Variants in CAP2 observed in about 807,000 individuals in gnomAD.
CAP2 encodes cyclase associated actin cytoskeleton regulatory protein 2, also known as adenylyl cyclase-associated protein 2.
A neutral mutation model predicts 57.7 loss-of-function variants in CAP2; 24 were observed. That is an observed-to-expected ratio of 0.42 (90% CI 0.30 to 0.58). The LOEUF (loss-of-function observed/expected upper bound fraction) is 0.58, where lower values mean the gene tolerates loss of function less well. Ranked by LOEUF, CAP2 falls within the 20% of genes least tolerant of loss-of-function variation. The pLI is 0.22. For synonymous variants in CAP2, 194 were observed against 207.2 expected (o/e 0.94, Z 0.55); for missense variants, 501 against 590.3 (o/e 0.85, Z 1.57).
intron 1 of CAP2, among the ~76,000 whole-genome samples, chr6:17,418,347 G>A (rs535581787): frequency 6.2e-4 from 94 of 152,250 alleles, no homozygotes; most frequent in Admixed American, 2.6e-3. Context: ...TATTTTGACC[G>A]CCTTAGGGGC....
chr6:17,449,449 C>T (rs144100108), intron 3 of CAP2, among the ~76,000 whole-genome samples: 3,681 of 152,042 alleles, frequency 0.024, 163 homozygotes, highest in African/African-American at 0.084. Flanking sequence ...TCTTGTTGCC[C>T]AGGCTGGAGT....
chr6:17,477,105 A>G (rs1379459382), intron 4 of CAP2, among the ~76,000 whole-genome samples: 5 of 151,940 alleles, frequency 3.3e-5, no homozygotes, highest in African/African-American at 9.7e-5. Context: ...TCCTGACCTC[A>G]GGTGATCTGC....
At chr6:17,427,481 T>C (rs1277680727) in intron 3 of CAP2, among the ~76,000 whole-genome samples, 1 of 152,116 alleles carries the variant, frequency 6.6e-6, no homozygotes, top group Non-Finnish European at 1.5e-5. Context: ...TCCATTGGGA[T>C]GGCTACTATC....
intron 4 of CAP2, among the ~76,000 whole-genome samples, chr6:17,467,585 G>T (rs934900612): frequency 6.6e-6 from 1 of 152,018 alleles, no homozygotes; most frequent in Non-Finnish European, 1.5e-5. Context: ...GTGCAGTGGC[G>T]CTACCTTGGC....
rs542777647 is a variant in CAP2, at chr6:17,476,405, A to G, written c.300+13332A>G. Among the ~76,000 whole-genome samples the G allele has an allele frequency of 3.9e-5, 6 of 152,350 alleles. No homozygotes were observed. In the East Asian group the frequency reaches 9.6e-4, roughly 24 times the overall value. On this transcript the variant is annotated intron_variant, in intron 4 of 12. Transcript: ENST00000229922. ...ATGTCTTTTCATAGAAAAGCACTGG[A>G]CCACCCATATTTTTAAAATGTTTTT...
chr6:17,550,102 C>T (rs1160918401), intron 11 of CAP2, among the ~76,000 whole-genome samples: 2 of 152,058 alleles, frequency 1.3e-5, no homozygotes. Flanking sequence ...GGTGCAGTGG[C>T]TCACACCTGT....
chr6:17,514,821 C>T (rs1369072377), intron 7 of CAP2, among the ~76,000 whole-genome samples: 3 of 152,182 alleles, frequency 2.0e-5, no homozygotes, highest in African/African-American at 7.2e-5. Flanking sequence ...AAACACTCTA[C>T]AGCCATTAAA....
At chr6:17,458,775 C>A (rs1198874622) in intron 3 of CAP2, among the ~76,000 whole-genome samples, 3 of 150,652 alleles carry the variant, frequency 2.0e-5, no homozygotes, top group African/African-American at 7.3e-5. Flanking sequence ...TGCCCATAAA[C>A]AGATGTGGAG....
rs1400320568 is a variant in CAP2 at position 17,467,555 on chromosome 6, G to A, written c.300+4482G>A. Among the ~76,000 whole-genome samples, 3 of 152,064 alleles carry A rather than the reference G, an allele frequency of 2.0e-5. No homozygotes were observed. The East Asian group carries it at 5.8e-4, about 29-fold the overall frequency. On this transcript the variant is annotated intron_variant, in intron 4 of 12. Coordinates refer to ENST00000229922, the MANE Select transcript of CAP2 (RefSeq NM_006366.3). ...GTTTGTTTTTTTGGGACGGAATCTT[G>A]CTCTGTCACCCAGGCTGGAGTGCAG... is the stretch of plus-strand genomic sequence containing the variant.
chr6:17,533,444 T>C (rs950730062), intron 7 of CAP2, among the ~76,000 whole-genome samples: 2 of 152,146 alleles, frequency 1.3e-5, no homozygotes, highest in Non-Finnish European at 2.9e-5. Flanking sequence ...GAATATCTGC[T>C]CTCAAAATTA....
intron 3 of CAP2, among the ~76,000 whole-genome samples, chr6:17,458,946 A>T (rs557005770): frequency 1.1e-4 from 16 of 152,098 alleles, no homozygotes; most frequent in African/African-American, 3.9e-4. Flanking sequence ...AGCAAACAAA[A>T]AACCCATAAC....
intron 1 of CAP2, among the ~76,000 whole-genome samples, chr6:17,417,732 G>C (rs924662686): frequency 1.3e-5 from 2 of 152,132 alleles, no homozygotes; most frequent in African/African-American, 2.4e-5. Flanking sequence ...GAGAAGATCT[G>C]GGGGGACAAG....
At chr6:17,507,334 C>T (rs1351662757) in intron 5 of CAP2, 22 bp downstream of exon 5, 1 of 1,611,838 alleles carries the variant, frequency 6.2e-7, no homozygotes, top group African/African-American at 1.3e-5. Context: ...TGCAATGTTG[C>T]CTCTTCACCT....
chr6:17,539,581 A>T (rs1234505637), intron 8 of CAP2, 123 bp downstream of exon 8: 2 of 729,426 alleles, frequency 2.7e-6, no homozygotes, highest in East Asian at 5.4e-5. Context: ...ATGCAGGGAG[A>T]GGGGGAACTG....
chr6:17,526,956 C>CAAAAAAAAAAA (rs1221212193), intron 7 of CAP2, among the ~76,000 whole-genome samples: 3 of 80,086 alleles, frequency 3.7e-5, no homozygotes, highest in African/African-American at 5.1e-5. Flanking sequence ...GACTCTGTCT[C>CAAAAAAAAAAA]AAAAAAAAAA....
chr6:17,428,277 A>C (rs1159634482), intron 3 of CAP2, among the ~76,000 whole-genome samples: 1 of 152,222 alleles, frequency 6.6e-6, no homozygotes, highest in Non-Finnish European at 1.5e-5. Context: ...ATTTTAAAAA[A>C]TATTAGCATC....
chr6:17,508,234 A>G (rs1001407567), intron 6 of CAP2, among the ~76,000 whole-genome samples: 1 of 152,240 alleles, frequency 6.6e-6, no homozygotes, highest in African/African-American at 2.4e-5. Flanking sequence ...GAAGACTAGC[A>G]GCCATTCAGA....
intron 4 of CAP2, among the ~76,000 whole-genome samples, chr6:17,503,777 A>G (rs760764044): frequency 6.6e-6 from 1 of 152,020 alleles, no homozygotes; most frequent in African/African-American, 2.4e-5. Flanking sequence ...GCTTTAGCAT[A>G]TGAATTTGGT....
At chr6:17,471,814 G>A (rs1235951409) in intron 4 of CAP2, among the ~76,000 whole-genome samples, 1 of 143,166 alleles carries the variant, frequency 7.0e-6, no homozygotes, top group East Asian at 2.1e-4. Context: ...CTGGGCAACA[G>A]AGCCAGACTC....
Sources: gnomAD v4.1 joint callset for allele counts (sites outside exome capture counted in the v4.1 genomes callset) on GRCh38, gnomAD v4.1.1 for gene constraint, MANE v1.5 for transcripts, NCBI Gene and HGNC (gene_info 2026-07-23, HGNC 2026-07-21) for gene names.